DNAH14: variants seen among roughly 807,000 people sequenced by gnomAD.
The protein encoded by DNAH14 is dynein axonemal heavy chain 14.
Under a neutral mutation model 520.9 loss-of-function variants are expected in DNAH14, and 478 were observed. That is an observed-to-expected ratio of 0.92 (90% CI 0.85 to 0.99). The LOEUF (loss-of-function observed/expected upper bound fraction) is 0.99. DNAH14 is among the 50% of genes least tolerant of loss of function. The pLI is 0.00. For synonymous variants in DNAH14, 1,581 were observed against 1,757.2 expected (o/e 0.90, Z 2.51); for missense variants, 4,831 against 5,234.5 (o/e 0.92, Z 2.38).
At chr1:225,001,708 TTTA>T (rs1165555749) in intron 8 of DNAH14, among the ~76,000 whole-genome samples, 5 of 152,082 alleles carry the variant, frequency 3.3e-5, no homozygotes, top group Non-Finnish European at 5.9e-5. Flanking sequence ...ATAATGTGAG[TTTA>T]TTATTACCTA....
chr1:224,950,326 AT>A (rs1233546626), intron 1 of DNAH14, among the ~76,000 whole-genome samples: 1 of 152,102 alleles, frequency 6.6e-6, no homozygotes, highest in African/African-American at 2.4e-5. Flanking sequence ...ATAAGAAGGT[AT>A]TATGGGTGAT....
rs2094990109 is a variant in DNAH14 at position 225,335,780 on chromosome 1, T to C, written c.10081-1486T>C. Among the ~76,000 whole-genome samples, 3 of 141,510 alleles carry C rather than the reference T, an allele frequency of 2.1e-5. 1 individual carries two copies. Among genetic ancestry groups the C allele is most frequent in the Non-Finnish European group, 4.6e-5 (3 of 64,970 alleles). 92.8% of individuals were successfully genotyped at this position (141,510 alleles called of 152,430 possible). On this transcript the variant is annotated intron_variant, in intron 66 of 85. Transcript: ENST00000682510. ...ATACATACATGTGCATATGTGCATA[T>C]ATTCATAAGTACATCTATGTATATG...
At chr1:225,154,818 G>T (rs1248347045) in intron 34 of DNAH14, among the ~76,000 whole-genome samples, 1 of 151,628 alleles carries the variant, frequency 6.6e-6, no homozygotes, top group Non-Finnish European at 1.5e-5. Context: ...CAAAAAAAAA[G>T]ATTTATAAAT....
chr1:225,335,835 A>G lies in DNAH14; in HGVS notation c.10081-1431A>G, dbSNP rs1397397840. Among the ~76,000 whole-genome samples the G allele has an allele frequency of 5.6e-4, 56 of 100,174 alleles. 1 individual carries two copies. The highest frequency in any genetic ancestry group is 2.2e-3 in the African/African-American group (55 of 25,556). The allele number at this position is 100,174 out of a possible 152,430, so 65.7% of individuals were successfully genotyped here. A position where few individuals can be genotyped will look rare whatever the true frequency, so the allele number is the denominator to read the frequency against. On this transcript the variant is annotated intron_variant, in intron 66 of 85. Coordinates refer to ENST00000682510, the MANE Select transcript of DNAH14 (RefSeq NM_001367479.1). The stretch of plus-strand genomic sequence containing the variant: ...TATATGTACATACACATATGTACAT[A>G]TATGTACATACACATATGTACATAT...
At chr1:225,111,575 T>A (rs951046340) in intron 23 of DNAH14, among the ~76,000 whole-genome samples, 19 of 152,058 alleles carry the variant, frequency 1.2e-4, no homozygotes, top group African/African-American at 1.9e-4. Context: ...TCTTTTTTTT[T>A]AATCTATTCA....
intron 4 of DNAH14, among the ~76,000 whole-genome samples, chr1:224,963,722 A>G (rs1038135480): frequency 1.3e-5 from 2 of 151,962 alleles, no homozygotes; most frequent in African/African-American, 4.8e-5. Flanking sequence ...CTTAATACTA[A>G]TTTTCAATAC....
rs1209822796 is a variant in DNAH14 at position 225,377,318 on chromosome 1, G to A, written c.12598G>A (p.Glu4200Lys). Residue 4200 changes from glutamate (E) to lysine (K), a missense_variant, in exon 79 of 86, where the codon GAG becomes AAG. Glu to Lys is a moderately conservative substitution (Grantham distance 56). Transcript: ENST00000682510. Reference protein sequence around the residue: ...IQSLPDDDLPEVLGIHPEAIR... With the variant: ...IQSLPDDDLPKVLGIHPEAIR... ...GTCCTTACCTGATGATGACCTTCCC[G>A]AGGTCTTAGGAATACACCCAGAGGC... 1.2e-5 allele frequency: 19 copies of A among 1,550,200 alleles called. No individual in the cohort carries two copies. In the Middle Eastern group the frequency reaches 5.0e-4, roughly 41 times the overall value.
intron 55 of DNAH14, among the ~76,000 whole-genome samples, chr1:225,299,354 A>G (rs1302313653): frequency 2.0e-5 from 3 of 151,972 alleles, no homozygotes; most frequent in Admixed American, 1.3e-4. Flanking sequence ...TATTGTTTCA[A>G]CCCCTCATCC....
Position 225,038,706 on chromosome 1 carries a change from C to A in DNAH14, c.1371C>A (p.Asp457Glu). 6.5e-7 allele frequency: 1 copy of A among 1,529,140 alleles called. No individual in the cohort carries two copies. The highest frequency in any genetic ancestry group is 8.8e-7 in the Non-Finnish European group (1 of 1,140,336). The allele number at this position is 1,529,140 out of a possible 1,614,324, so 94.7% of individuals were successfully genotyped here. ...TTTCTTAATCCAGAACATTCAAGGA[C>A]AACTCTTTTCCTACTGGAAAGACAA... is the stretch of plus-strand genomic sequence containing the variant. ...KNENLIRTFK[D>E]NSFPTGKTTN... Residue 457 changes from aspartate (D) to glutamate (E), a missense_variant, in exon 12 of 86, where the codon GAC (aspartate) becomes GAA (glutamate). Asp to Glu is a conservative substitution (Grantham distance 45). Transcript: ENST00000682510.
rs188515211 is a variant in DNAH14, at chr1:225,335,113, A to G, written c.10080+1607A>G. On this transcript the variant is annotated intron_variant, in intron 66 of 85. Coordinates refer to ENST00000682510, the MANE Select transcript of DNAH14 (RefSeq NM_001367479.1). ...TATATACATATATGTATATATACAT[A>G]TATACATGTGTACATATGTGCATGT... Among the ~76,000 whole-genome samples, 171 of 147,978 alleles carry G rather than the reference A, an allele frequency of 1.2e-3. 1 individual carries two copies. Among genetic ancestry groups the G allele is most frequent in the African/African-American group, 4.2e-3 (166 of 39,974 alleles).
intron 34 of DNAH14, among the ~76,000 whole-genome samples, chr1:225,156,747 C>G (rs1384387502): frequency 1.1e-5 from 1 of 88,446 alleles, no homozygotes; most frequent in Admixed American, 1.5e-4. Flanking sequence ...CGGAGTCTCG[C>G]TCTGTCGCCC....
Position 225,324,372 on chromosome 1 carries a change from A to G in DNAH14, c.9627+19A>G, listed in dbSNP as rs1574776044. On this transcript the variant is annotated intron_variant, in intron 63 of 85. Coordinates refer to ENST00000682510, the MANE Select transcript of DNAH14 (RefSeq NM_001367479.1). Reference sequence around the variant, plus strand: ...ACAGAAGGTATGCTTTTCCTCCTAAACATCTGTCATGATTTGGAAGTGGCA... The same window carrying G: ...ACAGAAGGTATGCTTTTCCTCCTAAGCATCTGTCATGATTTGGAAGTGGCA... 2 of 1,547,890 alleles carry G rather than the reference A, an allele frequency of 1.3e-6. No homozygotes were observed. Among genetic ancestry groups the G allele is most frequent in the Admixed American group, 2.0e-5 (1 of 50,338 alleles).
chr1:225,057,285 C>T (rs1443546666), intron 17 of DNAH14, among the ~76,000 whole-genome samples: 3 of 152,282 alleles, frequency 2.0e-5, no homozygotes, highest in Non-Finnish European at 1.5e-5. Flanking sequence ...TTTTATTCTC[C>T]TTGCAGCAAT....
chr1:225,109,971 A>G (rs1458010863), intron 23 of DNAH14, among the ~76,000 whole-genome samples: 3 of 152,188 alleles, frequency 2.0e-5, no homozygotes, highest in Non-Finnish European at 4.4e-5. Context: ...TTCTGTTGAT[A>G]TGATGTTTCA....
chr1:225,357,681 G>T lies in DNAH14; in HGVS notation c.11620-815G>T, dbSNP rs532766985. 3 of 611,860 alleles carry T rather than the reference G, an allele frequency of 4.9e-6. No homozygotes were observed. In the African/African-American group the frequency reaches 5.5e-5, roughly 11 times the overall value. 37.9% of individuals were successfully genotyped at this position (611,860 alleles called of 1,614,324 possible). A position where few individuals can be genotyped will look rare whatever the true frequency, so the allele number is the denominator to read the frequency against. On this transcript the variant is annotated intron_variant, in intron 73 of 85. Transcript: ENST00000682510. The stretch of plus-strand genomic sequence containing the variant: ...AGAATTCAGCATAATGATTAAATGT[G>T]CTGTGTTAAACATATTGCCAATATT...
At chr1:225,175,937 G>A (rs2083284726) in intron 36 of DNAH14, among the ~76,000 whole-genome samples, 1 of 151,900 alleles carries the variant, frequency 6.6e-6, no homozygotes, top group African/African-American at 2.4e-5. Flanking sequence ...TGTATTTTTA[G>A]TAGAGACAGG....
intron 8 of DNAH14, among the ~76,000 whole-genome samples, chr1:224,985,818 A>G (rs951028341): frequency 6.6e-6 from 1 of 152,006 alleles, no homozygotes; most frequent in African/African-American, 2.4e-5. Flanking sequence ...AGAAGAAAGA[A>G]TTGGTGAGCT....
rs111853430 is a variant in DNAH14 at position 225,137,802 on chromosome 1, G to A, written c.4255-2966G>A. Among the ~76,000 whole-genome samples the A allele has an allele frequency of 2.6e-3, 392 of 152,288 alleles. 3 individuals are homozygous for A. Among genetic ancestry groups the A allele is most frequent in the African/African-American group, 8.4e-3 (351 of 41,554 alleles). On this transcript the variant is annotated intron_variant, in intron 27 of 85. Transcript: ENST00000682510. ...CTGGTTGCTTCTTGGTAGAGCAGGC[G>A]TGTTTCACTAGGGGGTGACCCTTCT...
intron 8 of DNAH14, among the ~76,000 whole-genome samples, chr1:224,978,504 A>C (rs911155779): frequency 2.0e-5 from 3 of 152,194 alleles, no homozygotes; most frequent in African/African-American, 7.2e-5. Flanking sequence ...GATGATGAGA[A>C]GGGTGTTGGG....
Sources: gnomAD v4.1 joint callset for allele counts (sites outside exome capture counted in the v4.1 genomes callset) on GRCh38, gnomAD v4.1.1 for gene constraint, MANE v1.5 for transcripts, NCBI Gene and HGNC (gene_info 2026-07-23, HGNC 2026-07-21) for gene names.